MAGI2: variants seen among roughly 807,000 people sequenced by gnomAD.
The protein encoded by MAGI2 is membrane associated guanylate kinase, WW and PDZ domain containing 2, also known as membrane-associated guanylate kinase, WW and PDZ domain-containing protein 2.
In MAGI2, 35 loss-of-function variants were observed where a neutral mutation model predicts 133.3. The observed-to-expected ratio is 0.26, with a 90% CI of 0.20 to 0.35. MAGI2 has a LOEUF of 0.35. Ranked by LOEUF, MAGI2 falls within the 10% of genes least tolerant of loss-of-function variation. MAGI2 has a pLI of 1.00. For missense variants in MAGI2, 1,636 were observed against 1,863.4 expected, an observed-to-expected ratio of 0.88 and a Z score of 2.25; for synonymous variants, 729 against 710.6, an observed-to-expected ratio of 1.03 and a Z score of -0.41.
chr7:78,156,828 CAA>C (rs145232799), intron 16 of MAGI2, among the ~76,000 whole-genome samples: 9 of 145,020 alleles, frequency 6.2e-5, no homozygotes, highest in African/African-American at 2.3e-4. Context: ...AAAACAAACC[CAA>C]AAAAAAACCC....
At chr7:78,817,420 C>T (rs1158616181) in intron 2 of MAGI2, among the ~76,000 whole-genome samples, 1 of 152,154 alleles carries the variant, frequency 6.6e-6, no homozygotes, top group Non-Finnish European at 1.5e-5. Flanking sequence ...TGCAATCAAA[C>T]AGCATCACAT....
intron 9 of MAGI2, among the ~76,000 whole-genome samples, chr7:78,293,713 A>G (rs1332563893): frequency 3.3e-5 from 5 of 152,236 alleles, no homozygotes; most frequent in African/African-American, 1.2e-4. Flanking sequence ...AGACTGGATT[A>G]AGAAAATGTG....
intron 9 of MAGI2, among the ~76,000 whole-genome samples, chr7:78,322,709 T>C (rs995923469): frequency 6.6e-6 from 1 of 152,098 alleles, no homozygotes; most frequent in Non-Finnish European, 1.5e-5. Context: ...TGTATACCTA[T>C]GTAACAAACC....
At chr7:78,905,834 A>T (rs966921952) in intron 2 of MAGI2, among the ~76,000 whole-genome samples, 5 of 152,160 alleles carry the variant, frequency 3.3e-5, no homozygotes, top group African/African-American at 1.2e-4. Flanking sequence ...CAAAAACATG[A>T]TCTAACCCCT....
intron 2 of MAGI2, among the ~76,000 whole-genome samples, chr7:78,831,853 T>G (rs1791185921): frequency 1.3e-5 from 2 of 152,236 alleles, no homozygotes; most frequent in South Asian, 4.1e-4. Flanking sequence ...TAAAACACTT[T>G]AAACACTCTC....
chr7:78,273,253 G>A (rs986013401), intron 9 of MAGI2, among the ~76,000 whole-genome samples: 2 of 152,200 alleles, frequency 1.3e-5, no homozygotes, highest in African/African-American at 4.8e-5. Context: ...TAAGAATGTT[G>A]AATATTGGCC....
At chr7:78,795,877 A>T (rs896725398) in intron 2 of MAGI2, among the ~76,000 whole-genome samples, 10 of 152,140 alleles carry the variant, frequency 6.6e-5, no homozygotes, top group Non-Finnish European at 8.8e-5. Flanking sequence ...CCAAGAACAT[A>T]CAATAGGAAA....
chr7:78,170,320 T>C (rs926127477), intron 14 of MAGI2: 1 of 152,352 alleles, frequency 6.6e-6, no homozygotes. Flanking sequence ...CAGCAAGATA[T>C]ACAGCAACAT....
chr7:79,157,941 AG>A (rs1823961773), intron 1 of MAGI2, among the ~76,000 whole-genome samples: 1 of 134,896 alleles, frequency 7.4e-6, no homozygotes, highest in Non-Finnish European at 1.5e-5. Flanking sequence ...TCTTTGTGTG[AG>A]TGTGTGTGTG....
intron 2 of MAGI2, among the ~76,000 whole-genome samples, chr7:78,889,524 G>T (rs1386749234): frequency 2.6e-5 from 4 of 152,322 alleles, no homozygotes; most frequent in Admixed American, 6.5e-5. Context: ...ACTAACAGTG[G>T]ATCTCTCAGC....
intron 3 of MAGI2, among the ~76,000 whole-genome samples, chr7:78,613,887 T>G (rs1347008496): frequency 6.6e-6 from 1 of 152,022 alleles, no homozygotes. Flanking sequence ...GGTGGGTGGA[T>G]TACTTGAGGT....
chr7:78,689,525 C>T (rs563145742), intron 2 of MAGI2, among the ~76,000 whole-genome samples: 6 of 152,188 alleles, frequency 3.9e-5, no homozygotes, highest in African/African-American at 1.4e-4. Flanking sequence ...ATTTCCATCA[C>T]CTCAAATGCT....
At chr7:78,585,352 T>C (rs1352131087) in intron 3 of MAGI2, among the ~76,000 whole-genome samples, 1 of 152,150 alleles carries the variant, frequency 6.6e-6, no homozygotes, top group Non-Finnish European at 1.5e-5. Context: ...AATTTTTCTC[T>C]TCCAAATAGG....
intron 2 of MAGI2, among the ~76,000 whole-genome samples, chr7:78,685,654 G>T (rs78341361): frequency 7.7e-6 from 1 of 129,952 alleles, no homozygotes; most frequent in Non-Finnish European, 1.7e-5. Context: ...ATATATATGT[G>T]TGTGTGTGTG....
At chr7:78,569,902 C>A (rs1215421881) in intron 3 of MAGI2, among the ~76,000 whole-genome samples, 1 of 152,140 alleles carries the variant, frequency 6.6e-6, no homozygotes, top group Non-Finnish European at 1.5e-5. Context: ...AGTACGTAAT[C>A]TTTTTGCCTG....
In MAGI2 at chr7:78,321,660, A is replaced by G. The variant is rs1296100584; in HGVS notation, c.1408+22118T>C. ...ACTTAAATGTAAGACCTAAAATCATAAAAACCCTAGAAGAAAACCCAGGCA... is the reference window on the plus strand; with the variant it reads ...ACTTAAATGTAAGACCTAAAATCATGAAAACCCTAGAAGAAAACCCAGGCA... On this transcript the variant is annotated intron_variant, in intron 9 of 21. Transcript: ENST00000354212. 3.3e-5 allele frequency among the ~76,000 whole-genome samples: 5 copies of G among 152,328 alleles called. No homozygotes were observed. The East Asian group carries it at 9.6e-4, about 29-fold the overall frequency.
chr7:79,366,228 T>C (rs753396500), intron 1 of MAGI2, among the ~76,000 whole-genome samples: 2 of 152,010 alleles, frequency 1.3e-5, no homozygotes, highest in Non-Finnish European at 2.9e-5. Context: ...TAAGATCCTG[T>C]ATCAAAAAAA....
At chr7:78,036,655 G>A (rs776065622) in intron 21 of MAGI2, among the ~76,000 whole-genome samples, 7 of 151,676 alleles carry the variant, frequency 4.6e-5, no homozygotes, top group African/African-American at 1.5e-4. Context: ...GTCTTGCTCC[G>A]TTGCCTAGGC....
intron 2 of MAGI2, among the ~76,000 whole-genome samples, chr7:78,954,907 G>T (rs548276693): frequency 6.6e-6 from 1 of 152,200 alleles, no homozygotes; most frequent in South Asian, 2.1e-4. Context: ...GGTTATTATA[G>T]ATGTGAGTTT....
Sources: gnomAD v4.1 joint callset for allele counts (sites outside exome capture counted in the v4.1 genomes callset) on GRCh38, gnomAD v4.1.1 for gene constraint, MANE v1.5 for transcripts, NCBI Gene and HGNC (gene_info 2026-07-23, HGNC 2026-07-21) for gene names.